MYOM3: variants seen among roughly 807,000 people sequenced by gnomAD.
MYOM3 encodes myomesin-3.
Under a neutral mutation model 191.7 loss-of-function variants are expected in MYOM3, and 155 were observed. The observed-to-expected ratio is 0.81, with a 90% CI of 0.71 to 0.92. MYOM3 has a LOEUF of 0.92. MYOM3 is among the 40% of genes least tolerant of loss of function. The pLI is 0.00. For missense variants in MYOM3, 1,889 were observed against 1,890.6 expected (o/e 1.00, Z 0.02); for synonymous variants, 757 against 762.9 (o/e 0.99, Z 0.13).
At chr1:24,077,432 C>T (rs1224443628) in intron 20 of MYOM3, among the ~76,000 whole-genome samples, 2 of 152,210 alleles carry the variant, frequency 1.3e-5, no homozygotes, top group Non-Finnish European at 2.9e-5. Flanking sequence ...ATCCCCACAT[C>T]CATCACGCCA....
intron 33 of MYOM3, 148 bp from the exon 34 acceptor site, chr1:24,061,457 G>T: frequency 2.6e-6 from 2 of 760,330 alleles, no homozygotes; most frequent in Non-Finnish European, 4.5e-6. Context: ...TGGCAGGACT[G>T]CGTGGGAGGG....
In MYOM3 at chr1:24,076,148, G is replaced by A. The variant is rs779262480; in HGVS notation, c.2701+11C>T. 1.3e-5 allele frequency: 21 copies of A among 1,609,262 alleles called. No individual in the cohort carries two copies. Among genetic ancestry groups the A allele is most frequent in the Non-Finnish European group, 4.3e-6 (5 of 1,175,750 alleles). On this transcript the variant is annotated intron_variant, in intron 21 of 36. Coordinates refer to ENST00000374434, the MANE Select transcript of MYOM3 (RefSeq NM_152372.4). ...CAGTGGCAGAGCTCTGGCCTCTCCG[G>A]CCACCCCTACCTGGCTTGTCCTCCA...
intron 23 of MYOM3, among the ~76,000 whole-genome samples, chr1:24,073,423 C>T (rs1448531722): frequency 3.9e-5 from 6 of 152,200 alleles, no homozygotes; most frequent in Admixed American, 2.6e-4. Context: ...TATTCACTCT[C>T]TGGTTACCCG....
intron 34 of MYOM3, 36 bp from the exon 35 acceptor site, chr1:24,061,118 C>T (rs1643364883): frequency 2.5e-6 from 4 of 1,613,924 alleles, no homozygotes; most frequent in Admixed American, 3.3e-5. Flanking sequence ...TGTGACATTC[C>T]ACTTGCTAAA....
At chr1:24,060,776 G>A (rs1007406646) in intron 35 of MYOM3, among the ~76,000 whole-genome samples, 5 of 152,176 alleles carry the variant, frequency 3.3e-5, no homozygotes, top group African/African-American at 1.2e-4. Context: ...GGGAAGGCCT[G>A]CCCAGCCTCA....
At chr1:24,067,386 T>TTCTTTCTCTTTCTTTC (rs71779971) in intron 27 of MYOM3, among the ~76,000 whole-genome samples, 1 of 47,872 alleles carries the variant, frequency 2.1e-5, no homozygotes, top group Non-Finnish European at 4.1e-5. Context: ...CTTTCTTTCT[T>TTCTTTCTCTTTCTTTC]TTTCCTTCCT....
chr1:24,086,837 CAG>C lies in MYOM3; in HGVS notation c.1615-12_1615-11del. 6.2e-7 allele frequency: 1 copy of C among 1,612,782 alleles called. No individual in the cohort carries two copies. The highest frequency in any genetic ancestry group is 8.5e-7 in the Non-Finnish European group (1 of 1,179,206). ...CACTACCTATGACTGACTGAAGAAA[CAG>C]AGGGACTCACATTGGCTAACTGGTC... On this transcript the variant is annotated splice_polypyrimidine_tract_variant and intron_variant, in intron 14 of 36. Coordinates refer to ENST00000374434, the MANE Select transcript of MYOM3 (RefSeq NM_152372.4).
intron 19 of MYOM3, among the ~76,000 whole-genome samples, chr1:24,080,655 T>C (rs188216234): frequency 6.6e-6 from 1 of 152,352 alleles, no homozygotes; most frequent in Admixed American, 6.5e-5. Context: ...TCTTATAATA[T>C]AGTGCTTTTG....
intron 13 of MYOM3, 98 bp downstream of exon 13, chr1:24,089,967 C>T: frequency 7.9e-7 from 1 of 1,267,844 alleles, no homozygotes; most frequent in Non-Finnish European, 1.1e-6. Flanking sequence ...TCATCCCCCA[C>T]ACCCTGCACT....
intron 29 of MYOM3, 177 bp from the exon 30 acceptor site, chr1:24,064,336 C>T (rs369055146): frequency 1.8e-6 from 1 of 561,626 alleles, no homozygotes; most frequent in Non-Finnish European, 3.2e-6. Context: ...CTCTAAGGCT[C>T]CTTTCAGCTC....
rs755467331 is a variant in MYOM3, at chr1:24,080,001, G to C, written c.2586+15C>G. 1 of 1,597,160 alleles carries C rather than the reference G, an allele frequency of 6.3e-7. No individual in the cohort carries two copies. The highest frequency in any genetic ancestry group is 1.3e-5 in the African/African-American group (1 of 74,400). ...GGCTCAGGGCCAGTCAGAAGATGAA[G>C]GCATAAGAACTTACCCTCAGGTGGG... On this transcript the variant is annotated intron_variant, in intron 20 of 36. Coordinates refer to ENST00000374434, the MANE Select transcript of MYOM3 (RefSeq NM_152372.4).
Position 24,057,393 on chromosome 1 carries a change from C to G in MYOM3, c.4285G>C (p.Asp1429His). The G allele has an allele frequency of 6.2e-7, 1 of 1,613,940 alleles. No homozygotes were observed. The highest frequency in any genetic ancestry group is 8.5e-7 in the Non-Finnish European group (1 of 1,180,038). The stretch of plus-strand genomic sequence containing the variant: ...ATGCTCTTCAGCTCCTTGGGCTCGT[C>G]CCCGTGCTTGAACACACTGATGGTG... ...QVTISVFKHG[D>H]EPKELKSM The change falls in exon 37 of 37, where the codon GAC becomes CAC. Residue 1429 changes from aspartate (D) to histidine (H), a missense_variant. Physicochemically the swap from Asp to His is moderately conservative, Grantham distance 81 (BLOSUM62 -1). Coordinates refer to ENST00000374434, the MANE Select transcript of MYOM3 (RefSeq NM_152372.4).
chr1:24,082,434 T>C (rs1643683150), intron 17 of MYOM3, 159 bp downstream of exon 17: 2 of 1,118,886 alleles, frequency 1.8e-6, no homozygotes, highest in South Asian at 3.7e-5. Context: ...GGTTACTTCC[T>C]TCCCAAAGGA....
chr1:24,081,832 C>G, intron 18 of MYOM3, 169 bp downstream of exon 18: 1 of 685,742 alleles, frequency 1.5e-6, no homozygotes. Context: ...CTTGGTGGCT[C>G]TAAACAGTTC....
chr1:24,082,018 G>T lies in MYOM3; in HGVS notation c.2263C>A (p.Pro755Thr). ...AGCCCTACCTTGCAGACCCGGGTGG[G>T]GATGGGCTGCTGATTGACCGCATGC... ...DWHAVNQQPI[P>T]TRVCKVSDLH... The change falls in exon 18 of 37, where the codon CCC (proline) becomes ACC (threonine). Residue 755 changes from proline (P) to threonine (T), a missense_variant. Transcript: ENST00000374434. 5 of 1,610,892 alleles carry T rather than the reference G, an allele frequency of 3.1e-6. No homozygotes were observed. The highest frequency in any genetic ancestry group is 4.2e-6 in the Non-Finnish European group (5 of 1,179,338).
intron 36 of MYOM3, 89 bp from the exon 37 acceptor site, chr1:24,057,716 C>T: frequency 1.7e-6 from 2 of 1,158,928 alleles, no homozygotes; most frequent in Non-Finnish European, 2.5e-6. Flanking sequence ...GCTCCCAGCT[C>T]AGGTTGCTCC....
intron 3 of MYOM3, 59 bp from the exon 4 acceptor site, chr1:24,107,291 G>A (rs1326611051): frequency 4.2e-6 from 6 of 1,444,930 alleles, no homozygotes; most frequent in African/African-American, 1.4e-5. Context: ...GGGGCATCCT[G>A]GCCAGTTCCA....
chr1:24,085,831 A>G (rs1643731097), intron 15 of MYOM3, among the ~76,000 whole-genome samples: 1 of 151,432 alleles, frequency 6.6e-6, no homozygotes, highest in South Asian at 2.1e-4. Context: ...CCGTGTGTGT[A>G]TGTGTGTGTG....
intron 7 of MYOM3, among the ~76,000 whole-genome samples, chr1:24,097,477 G>A (rs986645628): frequency 3.3e-5 from 5 of 152,308 alleles, no homozygotes; most frequent in East Asian, 1.9e-4. Context: ...GGCCCCTTTC[G>A]CTAATTCATC....
Sources: gnomAD v4.1 joint callset for allele counts (sites outside exome capture counted in the v4.1 genomes callset) on GRCh38, gnomAD v4.1.1 for gene constraint, MANE v1.5 for transcripts, NCBI Gene and HGNC (gene_info 2026-07-23, HGNC 2026-07-21) for gene names.